DDX25: variants seen among roughly 807,000 people sequenced by gnomAD.
DDX25 encodes ATP-dependent RNA helicase DDX25.
Under a neutral mutation model 64.6 loss-of-function variants are expected in DDX25, and 70 were observed. That is an observed-to-expected ratio of 1.08 (90% CI 0.89 to 1.32). The LOEUF (loss-of-function observed/expected upper bound fraction) is 1.32. DDX25 is among the 40% of genes most tolerant of loss of function. The pLI, the probability that DDX25 is intolerant of heterozygous loss-of-function variation, is 0.00. For synonymous variants in DDX25, 211 were observed against 213.3 expected, an observed-to-expected ratio of 0.99 and a Z score of 0.09; for missense variants, 587 against 604.4, an observed-to-expected ratio of 0.97 and a Z score of 0.30.
chr11:125,904,351 C>G (rs1379406985), upstream of DDX25: 1 of 534,826 alleles, frequency 1.9e-6, no homozygotes, highest in African/African-American at 2.0e-5. Context: ...CCGCCCCTTC[C>G]GCGCGCCACC....
intron 4 of DDX25, among the ~76,000 whole-genome samples, chr11:125,906,517 A>G (rs1045939514): frequency 2.0e-5 from 3 of 151,798 alleles, no homozygotes; most frequent in African/African-American, 7.3e-5. Context: ...AGATTTGTAC[A>G]TTTTCCATGC....
upstream of DDX25, chr11:125,903,330 T>C: frequency 1.4e-6 from 1 of 691,440 alleles, no homozygotes; most frequent in Non-Finnish European, 1.8e-6. Context: ...GGTTTTCTAG[T>C]CCAGCTACCG....
rs59415935 is a variant in DDX25, at chr11:125,924,245, C to A, written c.*1364C>A. The A allele has an allele frequency of 0.062, 9,429 of 151,532 alleles. 441 individuals carry two copies. The highest frequency in any genetic ancestry group is 0.13 in the African/African-American group (5,456 of 41,218). 9.4% of individuals were successfully genotyped at this position (151,532 alleles called of 1,614,324 possible). ...TCGTGCCACTGCATTCCAGCCTGGG[C>A]GACAGAGTGAGACTCTATCTCAAAA... is the stretch of plus-strand genomic sequence containing the variant. On this transcript the variant is annotated 3_prime_UTR_variant, in exon 12 of 12. Transcript: ENST00000263576.
Position 125,921,244 on chromosome 11 carries a change from C to G in DDX25, c.1255C>G (p.Gln419Glu). 6 of 1,612,908 alleles carry G rather than the reference C, an allele frequency of 3.7e-6. No homozygotes were observed. Among genetic ancestry groups the G allele is most frequent in the Admixed American group, 1.7e-5 (1 of 59,882 alleles). The change falls in exon 11 of 12, where the codon CAA (glutamine) becomes GAA (glutamate). Residue 419 changes from glutamine (Q) to glutamate (E), a missense_variant. Gln to Glu is a conservative substitution (Grantham distance 29). Transcript: ENST00000263576. This position sits in a 1 kb window ranked among gnomAD's most constrained non-coding sequence, Gnocchi z 4.1. ...IVVNFDLPVK[Q>E]GEEPDYETYL... ...TGTGAACTTTGATCTCCCTGTAAAA[C>G]AAGGAGAGGAGCCGGACTATGAGAC...
Position 125,922,824 on chromosome 11 carries a change from C to T in DDX25, c.1395C>T (p.Ser465=). 6.2e-7 allele frequency: 1 copy of T among 1,607,494 alleles called. No homozygotes were observed. ...SLMKIQDHFN[S]SIKQLNAEDM... ...TGTTCTCTTTTGTTCTTTTAGACAGCAGTATTAAGCAACTCAACGCTGAAG... is the reference window on the plus strand; with the variant it reads ...TGTTCTCTTTTGTTCTTTTAGACAGTAGTATTAAGCAACTCAACGCTGAAG... The change falls in exon 12 of 12, where the codon AGC becomes AGT. Residue 465 remains serine, a synonymous_variant. Coordinates refer to ENST00000263576, the MANE Select transcript of DDX25 (RefSeq NM_013264.5).
intron 10 of DDX25, among the ~76,000 whole-genome samples, chr11:125,920,698 G>C (rs1591521590): frequency 6.6e-6 from 1 of 152,150 alleles, no homozygotes; most frequent in Non-Finnish European, 1.5e-5. Flanking sequence ...TAGGGGAAGA[G>C]AGTGGTGAGA....
rs903781336 is a variant in DDX25 at position 125,906,740 on chromosome 11, C to T, written c.311+531C>T. Among the ~76,000 whole-genome samples, 9 of 150,244 alleles carry T rather than the reference C, an allele frequency of 6.0e-5. No individual in the cohort carries two copies. In the East Asian group the frequency reaches 8.0e-4, roughly 13 times the overall value. ...ATTCGGGAGGCTGAGGTAGGAGAAT[C>T]GCCTGAACCCAGGAGGCAGAGGTTG... On this transcript the variant is annotated intron_variant, in intron 4 of 11. Transcript: ENST00000263576.
rs1208957103 is a variant in DDX25 at position 125,911,342 on chromosome 11, T to C, written c.654T>C (p.Ile218=). The C allele has an allele frequency of 2.5e-6, 4 of 1,613,414 alleles. No individual in the cohort carries two copies. In the African/African-American group the frequency reaches 5.3e-5, roughly 22 times the overall value. The change falls in exon 8 of 12, where the codon ATT becomes ATC. Residue 218 remains isoleucine, a synonymous_variant. Transcript: ENST00000263576. ...IPRGTDITKQ[I]IIGTPGTVLD... ...GAGGCACCGACATCACTAAACAGAT[T>C]ATAATTGGCACTCCTGGGACTGTCC...
intron 7 of DDX25, among the ~76,000 whole-genome samples, chr11:125,910,915 CTTT>C (rs34647627): frequency 7.1e-6 from 1 of 141,794 alleles, no homozygotes; most frequent in Non-Finnish European, 1.5e-5. Context: ...TTGTGTTTTG[CTTT>C]TTTTTTTTTT....
At chr11:125,906,261 AAACG>A in intron 4 of DDX25, 52 bp downstream of exon 4, 13 of 1,496,064 alleles carry the variant, frequency 8.7e-6, no homozygotes, top group Non-Finnish European at 1.2e-5. Flanking sequence ...ACCACAGAAC[AAACG>A]CATCTGCTTA....
intron 10 of DDX25, among the ~76,000 whole-genome samples, chr11:125,920,277 A>C (rs1411171051): frequency 6.6e-6 from 1 of 152,096 alleles, no homozygotes; most frequent in Admixed American, 6.5e-5. Flanking sequence ...TCTCTACTAA[A>C]AATACAAAAA....
At chr11:125,907,432 C>T (rs916573566) in intron 4 of DDX25, among the ~76,000 whole-genome samples, 3 of 152,050 alleles carry the variant, frequency 2.0e-5, no homozygotes, top group East Asian at 1.9e-4. Context: ...CACAGTGAAA[C>T]CCCGTCTCTA....
intron 11 of DDX25, chr11:125,922,291 C>G (rs1565469153): frequency 6.6e-6 from 1 of 152,328 alleles, no homozygotes; most frequent in African/African-American, 2.4e-5. Flanking sequence ...AGAAGGAACA[C>G]CTTCCAGGAC....
chr11:125,913,624 CT>C (rs1021843029), intron 8 of DDX25, among the ~76,000 whole-genome samples: 6 of 149,166 alleles, frequency 4.0e-5, no homozygotes, highest in South Asian at 2.1e-4. Context: ...TGTTTATGAC[CT>C]TTTTTTTTTC....
upstream of DDX25, chr11:125,904,417 G>A (rs1051520786): frequency 2.1e-5 from 25 of 1,166,174 alleles, no homozygotes; most frequent in Admixed American, 8.4e-5. Flanking sequence ...GGACGCGGAC[G>A]CCTGCCCCCT....
rs1391468769 is a variant in DDX25 at position 125,924,139 on chromosome 11, T to C, written c.*1258T>C. 4 of 152,136 alleles carry C rather than the reference T, an allele frequency of 2.6e-5. No individual in the cohort carries two copies. Among genetic ancestry groups the C allele is most frequent in the African/African-American group, 4.8e-5 (2 of 41,388 alleles). 9.4% of individuals were successfully genotyped at this position (152,136 alleles called of 1,614,324 possible). A position where few individuals can be genotyped will look rare whatever the true frequency, so the allele number is the denominator to read the frequency against. ...AATTAGCTGGGCGTGGTGGTACGCG[T>C]GCCTGTAATCCCAGCTACTCAGGAG... On this transcript the variant is annotated 3_prime_UTR_variant, in exon 12 of 12. Coordinates refer to ENST00000263576, the MANE Select transcript of DDX25 (RefSeq NM_013264.5).
chr11:125,907,533 G>T (rs563703030), intron 4 of DDX25, among the ~76,000 whole-genome samples: 1 of 151,758 alleles, frequency 6.6e-6, no homozygotes, highest in African/African-American at 2.4e-5. Context: ...GCGTGAACCC[G>T]GGAGGTGGAG....
intron 4 of DDX25, among the ~76,000 whole-genome samples, chr11:125,907,319 G>A (rs1944900774): frequency 6.6e-6 from 1 of 152,158 alleles, no homozygotes; most frequent in Non-Finnish European, 1.5e-5. Context: ...ATTAAAAGTT[G>A]AAGTGTTGGC....
At chr11:125,919,927 T>G (rs1945090144) in intron 10 of DDX25, among the ~76,000 whole-genome samples, 1 of 152,224 alleles carries the variant, frequency 6.6e-6, no homozygotes, top group African/African-American at 2.4e-5. Flanking sequence ...ATTTTTAATT[T>G]TATTTAATTG....
Sources: allele counts gnomAD v4.1 joint callset (sites outside exome capture counted in the v4.1 genomes callset), GRCh38; gene constraint gnomAD v4.1.1; non-coding constraint Gnocchi (gnomAD v3.1); transcripts MANE v1.5; gene names NCBI Gene and HGNC (gene_info 2026-07-23, HGNC 2026-07-21).